Variants in SOBP observed in about 807,000 individuals in gnomAD.
The protein encoded by SOBP is sine oculis binding protein homolog.
Under a neutral mutation model 53.6 loss-of-function variants are expected in SOBP, and 4 were observed. The observed-to-expected ratio is 0.07, with a 90% CI of 0.04 to 0.17. The LOEUF (loss-of-function observed/expected upper bound fraction) is 0.17, where lower values mean the gene tolerates loss of function less well. Among genes scored for constraint, SOBP ranks in the 10% least tolerant of loss-of-function variants. The probability of loss-of-function intolerance (pLI) is 1.00; values close to 1 mark genes in which losing one functional copy is unlikely to be tolerated. For synonymous variants in SOBP, 584 were observed against 522.6 expected (o/e 1.12, Z -1.60); for missense variants, 1,088 against 1,204.7 (o/e 0.90, Z 1.43).
At position 107,623,120 on chromosome 6, in the gene SOBP, C is replaced by G. The variant is rs541523408; in HGVS notation, c.670-10394C>G. On this transcript the variant is annotated intron_variant, in intron 5 of 6. Coordinates refer to ENST00000317357, the MANE Select transcript of SOBP (RefSeq NM_018013.4). The stretch of plus-strand genomic sequence containing the variant: ...AATGCTGGATATGATCAGCCACATT[C>G]CCTGGAGTTTAGAAAAGCAGATTTT... Among the ~76,000 whole-genome samples the G allele has an allele frequency of 1.5e-4, 23 of 152,236 alleles. No homozygotes were observed. The South Asian group carries it at 4.6e-3, about 30-fold the overall frequency.
At chr6:107,651,559 A>C (rs566438905) in intron 6 of SOBP, among the ~76,000 whole-genome samples, 7 of 152,380 alleles carry the variant, frequency 4.6e-5, no homozygotes, top group African/African-American at 1.7e-4. Flanking sequence ...TGAAGCAGCA[A>C]GTGCTGATGT....
chr6:107,621,367 GTTAGCACAGCAGGA>G (rs1188549432), intron 5 of SOBP, among the ~76,000 whole-genome samples: 1 of 152,208 alleles, frequency 6.6e-6, no homozygotes, highest in Non-Finnish European at 1.5e-5. Flanking sequence ...CAACCAGGTA[GTTAGCACAGCAGGA>G]TGGCTAAATT....
chr6:107,569,840 G>T (rs557089162), intron 4 of SOBP, among the ~76,000 whole-genome samples: 1 of 152,268 alleles, frequency 6.6e-6, no homozygotes, highest in African/African-American at 2.4e-5. Context: ...TCCAGGCCTC[G>T]CCCCACCTGG....
chr6:107,544,367 T>C (rs1258973719), intron 4 of SOBP, among the ~76,000 whole-genome samples: 1 of 152,224 alleles, frequency 6.6e-6, no homozygotes, highest in Non-Finnish European at 1.5e-5. Flanking sequence ...ACAGTAACTA[T>C]GGGAGTTGCC....
intron 3 of SOBP, among the ~76,000 whole-genome samples, chr6:107,527,227 C>T (rs935878391): frequency 6.6e-6 from 1 of 152,142 alleles, no homozygotes; most frequent in Non-Finnish European, 1.5e-5. Flanking sequence ...CAAAGAATTC[C>T]CATCTATTAA....
At chr6:107,509,498 G>A (rs2114954781) in intron 3 of SOBP, among the ~76,000 whole-genome samples, 2 of 151,332 alleles carry the variant, frequency 1.3e-5, no homozygotes, top group Admixed American at 1.3e-4. Context: ...TTGCCCTAGA[G>A]TTATCATGCA....
At chr6:107,657,827 C>T (rs1336039456) in intron 6 of SOBP, among the ~76,000 whole-genome samples, 5 of 148,556 alleles carry the variant, frequency 3.4e-5, no homozygotes, top group East Asian at 2.0e-4. Context: ...GGCAACAGAG[C>T]GAGACCCTGT....
chr6:107,589,038 A>C (rs2115062465), intron 5 of SOBP, among the ~76,000 whole-genome samples: 1 of 152,316 alleles, frequency 6.6e-6, no homozygotes, highest in Non-Finnish European at 1.5e-5. Flanking sequence ...TTCTATATGA[A>C]AGAGACTTGT....
intron 5 of SOBP, among the ~76,000 whole-genome samples, chr6:107,611,292 C>G (rs546613726): frequency 1.3e-5 from 2 of 152,258 alleles, no homozygotes; most frequent in African/African-American, 4.8e-5. Flanking sequence ...AGAGGGGGCC[C>G]CGGTGGAGCC....
At position 107,659,057 on chromosome 6, in the gene SOBP, C is replaced by G. The variant is rs1772188031; in HGVS notation, c.*854C>G. On this transcript the variant is annotated 3_prime_UTR_variant, in exon 7 of 7. Coordinates refer to ENST00000317357, the MANE Select transcript of SOBP (RefSeq NM_018013.4). ...AGAGCAAGAGTGTTGAACTGAAGAC[C>G]AAAATGCCCTCAAGGTGTAAAATAA... The G allele has an allele frequency of 6.6e-6, 1 of 152,530 alleles. No homozygotes were observed. Among genetic ancestry groups the G allele is most frequent in the Non-Finnish European group, 1.5e-5 (1 of 68,034 alleles). 9.4% of individuals were successfully genotyped at this position (152,530 alleles called of 1,614,324 possible). A position where few individuals can be genotyped will look rare whatever the true frequency, so the allele number is the denominator to read the frequency against.
intron 4 of SOBP, among the ~76,000 whole-genome samples, chr6:107,541,104 C>T (rs1290216503): frequency 2.6e-5 from 4 of 152,084 alleles, no homozygotes; most frequent in Non-Finnish European, 4.4e-5. Flanking sequence ...TGTTGGAGAG[C>T]CCTGATTAAT....
intron 2 of SOBP, among the ~76,000 whole-genome samples, chr6:107,504,661 A>G (rs1487006438): frequency 6.6e-6 from 1 of 152,256 alleles, no homozygotes; most frequent in African/African-American, 2.4e-5. Context: ...ATCTATTGGC[A>G]TAAACTACCT....
At chr6:107,500,208 A>G (rs565461926) in intron 1 of SOBP, among the ~76,000 whole-genome samples, 1 of 152,178 alleles carries the variant, frequency 6.6e-6, no homozygotes, top group South Asian at 2.1e-4. Flanking sequence ...CCTTGCCAAC[A>G]TGGTGAGCCC....
intron 4 of SOBP, among the ~76,000 whole-genome samples, chr6:107,569,946 AC>A (rs148200579): frequency 0.016 from 2,436 of 152,286 alleles, 56 homozygotes; most frequent in African/African-American, 0.056. Flanking sequence ...CACAGCTCGA[AC>A]CTCATCCTTC....
intron 4 of SOBP, among the ~76,000 whole-genome samples, chr6:107,542,136 G>A (rs1784165793): frequency 6.6e-6 from 1 of 152,098 alleles, no homozygotes; most frequent in African/African-American, 2.4e-5. Context: ...ATGATTTCAG[G>A]TAGGAAAAAG....
At chr6:107,562,405 C>A (rs1462568650) in intron 4 of SOBP, among the ~76,000 whole-genome samples, 1 of 152,140 alleles carries the variant, frequency 6.6e-6, no homozygotes, top group East Asian at 1.9e-4. Flanking sequence ...TGTCTTTAGA[C>A]CGTGACAAGC....
chr6:107,591,588 C>T (rs1785749626), intron 5 of SOBP, among the ~76,000 whole-genome samples: 1 of 152,116 alleles, frequency 6.6e-6, no homozygotes, highest in South Asian at 2.1e-4. Flanking sequence ...GGGCCAGGTG[C>T]ACTGCACCCA....
chr6:107,554,112 C>T (rs1033270199), intron 4 of SOBP, among the ~76,000 whole-genome samples: 11 of 152,202 alleles, frequency 7.2e-5, no homozygotes, highest in African/African-American at 2.7e-4. Flanking sequence ...TTGACTTGTA[C>T]TGCCTGGTAT....
chr6:107,588,228 C>T (rs1253300605), intron 5 of SOBP, among the ~76,000 whole-genome samples: 1 of 152,168 alleles, frequency 6.6e-6, no homozygotes, highest in Non-Finnish European at 1.5e-5. Flanking sequence ...TCATTAAAAA[C>T]AAAGTGTCCA....
Sources: gnomAD v4.1 joint callset for allele counts (sites outside exome capture counted in the v4.1 genomes callset) on GRCh38, gnomAD v4.1.1 for gene constraint, MANE v1.5 for transcripts, NCBI Gene and HGNC (gene_info 2026-07-23, HGNC 2026-07-21) for gene names.